The following SLC12A7 variants were observed in gnomAD, a reference collection of about 807,000 sequenced individuals.
SLC12A7 encodes the protein solute carrier family 12 member 7, also known as K-Cl cotransporter 4.
SLC12A7 carries 100 observed loss-of-function variants against 120.6 expected under a neutral mutation model. The ratio of observed to expected loss-of-function variants is 0.83; its 90% CI spans 0.71 to 0.98. The LOEUF (loss-of-function observed/expected upper bound fraction) is 0.98, where lower values mean the gene tolerates loss of function less well. SLC12A7 is among the 50% of genes least tolerant of loss of function. The probability of loss-of-function intolerance (pLI) is 0.00; values close to 1 mark genes in which losing one functional copy is unlikely to be tolerated. For missense variants in SLC12A7, 1,373 were observed against 1,548.1 expected (o/e 0.89, Z 1.90); for synonymous variants, 760 against 678.0 (o/e 1.12, Z -1.88).
chr5:1,116,149 G>A (rs1743312112), upstream of SLC12A7, among the ~76,000 whole-genome samples: 1 of 152,134 alleles, frequency 6.6e-6, no homozygotes, highest in Non-Finnish European at 1.5e-5. Flanking sequence ...GGTAGGCAGG[G>A]ATGACAGAAG....
chr5:1,093,743 G>A lies in SLC12A7; in HGVS notation c.220-88C>T, dbSNP rs553820527. 27 of 1,562,652 alleles carry A rather than the reference G, an allele frequency of 1.7e-5. No homozygotes were observed. In the East Asian group the frequency reaches 4.4e-4, roughly 25 times the overall value. ...CCCCGTGTTCAGGGTGTGGAGCTCA[G>A]GCCCTCCCCGGGTCCTCAGCCCCTG... is the stretch of plus-strand genomic sequence containing the variant. On this transcript the variant is annotated intron_variant, in intron 2 of 23. Coordinates refer to ENST00000264930, the MANE Select transcript of SLC12A7 (RefSeq NM_006598.3).
the SLC12A7 span, among the ~76,000 whole-genome samples, chr5:1,128,791 G>T: frequency 6.6e-6 from 1 of 152,220 alleles, no homozygotes; most frequent in Non-Finnish European, 1.5e-5. Flanking sequence ...GTGCCTGCCT[G>T]GTCTCTACAC....
At chr5:1,147,516 C>T in the SLC12A7 span, among the ~76,000 whole-genome samples, 4 of 152,084 alleles carry the variant, frequency 2.6e-5, no homozygotes, top group East Asian at 1.9e-4. Flanking sequence ...GAGGCTTCTA[C>T]GTCACCAGCA....
In SLC12A7 at chr5:1,052,050, C is replaced by T. The variant is rs1561019814; in HGVS notation, c.*310G>A. On this transcript the variant is annotated 3_prime_UTR_variant, in exon 24 of 24. Transcript: ENST00000264930. ...GGAAAAGAACTTCCAGAAACCAAGG[C>T]AAGGGCTCACTGGCTTCTTGTGACC... 2.5e-6 allele frequency: 1 copy of T among 406,960 alleles called. No individual in the cohort carries two copies. The highest frequency in any genetic ancestry group is 2.0e-5 in the African/African-American group (1 of 49,194). 25.2% of individuals were successfully genotyped at this position (406,960 alleles called of 1,614,324 possible).
the SLC12A7 span, among the ~76,000 whole-genome samples, chr5:1,146,777 T>C: frequency 1.3e-5 from 2 of 152,190 alleles, no homozygotes. This position sits in a 1 kb window ranked among gnomAD's most constrained non-coding sequence, Gnocchi z 6.5. Context: ...AGACAATCCT[T>C]TCTATTGATA....
At chr5:1,068,896 C>A (rs1311326278) in intron 17 of SLC12A7, among the ~76,000 whole-genome samples, 1 of 152,278 alleles carries the variant, frequency 6.6e-6, no homozygotes, top group African/African-American at 2.4e-5. Flanking sequence ...CCCTCACACA[C>A]CTCCAGGGAG....
chr5:1,151,706 C>T, the SLC12A7 span, among the ~76,000 whole-genome samples: 3 of 122,756 alleles, frequency 2.4e-5, no homozygotes, highest in Non-Finnish European at 3.5e-5. This position sits in a 1 kb window ranked among gnomAD's most constrained non-coding sequence, Gnocchi z 6.2. Flanking sequence ...GCCCGGGAGG[C>T]GGGGGGCAGG....
the SLC12A7 span, among the ~76,000 whole-genome samples, chr5:1,130,450 G>T: frequency 7.9e-6 from 1 of 126,790 alleles, no homozygotes; most frequent in African/African-American, 2.8e-5. Context: ...TGAAAGCCCC[G>T]CCCCCACCCC....
chr5:1,069,236 G>T (rs1737379301), intron 17 of SLC12A7, among the ~76,000 whole-genome samples: 1 of 152,214 alleles, frequency 6.6e-6, no homozygotes, highest in African/African-American at 2.4e-5. Context: ...AGCGGCGGGG[G>T]CCATTTTTTA....
chr5:1,120,938 C>T, the SLC12A7 span, among the ~76,000 whole-genome samples: 23 of 152,192 alleles, frequency 1.5e-4, no homozygotes, highest in South Asian at 4.1e-4. Context: ...TGCCCGAGCT[C>T]GGAGCTCACC....
chr5:1,083,926 T>C lies in SLC12A7; in HGVS notation c.948A>G (p.Ser316=), dbSNP rs763203425. ...PVCLLGNRTL[S]RRSFDACVKA... ...TGACGCAGGCATCGAAGCTGCGCCG[T>C]GACAGCGTGCGGTTCCCCAGGAGGC... Residue 316 remains serine (S), a synonymous_variant, in exon 8 of 24, where the codon TCA becomes TCG. Coordinates refer to ENST00000264930, the MANE Select transcript of SLC12A7 (RefSeq NM_006598.3). 7.5e-6 allele frequency: 12 copies of C among 1,605,210 alleles called. No individual in the cohort carries two copies. In the East Asian group the frequency reaches 1.8e-4, roughly 24 times the overall value.
rs372645005 is a variant in SLC12A7, at chr5:1,089,068, C to A, written c.403G>T (p.Val135Phe). 1 of 1,613,026 alleles carries A rather than the reference C, an allele frequency of 6.2e-7. No individual in the cohort carries two copies. The highest frequency in any genetic ancestry group is 8.5e-7 in the Non-Finnish European group (1 of 1,179,982). Residue 135 changes from valine (V) to phenylalanine (F), a missense_variant, in exon 4 of 24, where the codon GTC (valine) becomes TTC (phenylalanine). Val to Phe is a conservative substitution (Grantham distance 50). Coordinates refer to ENST00000264930, the MANE Select transcript of SLC12A7 (RefSeq NM_006598.3). ...YLPCLQNILG[V>F]ILFLRLTWIV... ...CACGTCAGGCGCAGGAAGAGGATGACGCCCAGGATGTTCTGCAGGCACGGC... is the reference window on the plus strand; with the variant it reads ...CACGTCAGGCGCAGGAAGAGGATGAAGCCCAGGATGTTCTGCAGGCACGGC...
chr5:1,142,719 G>A, the SLC12A7 span, among the ~76,000 whole-genome samples: 3 of 148,190 alleles, frequency 2.0e-5, no homozygotes, highest in Admixed American at 6.7e-5. Flanking sequence ...CTGAGCCACT[G>A]CCCAGAACTC....
At chr5:1,112,593 T>C, upstream of SLC12A7, among the ~76,000 whole-genome samples, 1 of 4,214 alleles carries the variant, frequency 2.4e-4, no homozygotes, top group African/African-American at 1.4e-3. Context: ...CCGCACCCCC[T>C]CCTGTTTGCC....
At chr5:1,089,206 C>A (rs1181015250) in intron 3 of SLC12A7, 78 bp from the exon 4 acceptor site, 10 of 1,526,526 alleles carry the variant, frequency 6.6e-6, no homozygotes, top group Non-Finnish European at 8.8e-6. Flanking sequence ...TGCACTCAGG[C>A]CCTGGGCAGG....
chr5:1,056,553 G>A (rs1735631741), intron 22 of SLC12A7: 1 of 983,860 alleles, frequency 1.0e-6, no homozygotes, highest in African/African-American at 1.7e-5. Context: ...GGGCCCGGAA[G>A]GCGACCTGGT....
At chr5:1,123,898 C>T in the SLC12A7 span, among the ~76,000 whole-genome samples, 1 of 152,238 alleles carries the variant, frequency 6.6e-6, no homozygotes, top group South Asian at 2.1e-4. Flanking sequence ...AGATAACTCT[C>T]TTGGTCTAAT....
the SLC12A7 span, among the ~76,000 whole-genome samples, chr5:1,121,914 G>A: frequency 6.6e-6 from 1 of 152,294 alleles, no homozygotes; most frequent in East Asian, 1.9e-4. Context: ...ATGAGAGGGG[G>A]CCCCTTCATC....
At position 1,111,921 on chromosome 5, in the gene SLC12A7, C is replaced by T. The variant is rs576738350; in HGVS notation, c.71G>A (p.Arg24Gln). 6.5e-5 allele frequency: 82 copies of T among 1,271,140 alleles called. 2 individuals carry two copies. In the South Asian group the frequency reaches 2.0e-3, roughly 31 times the overall value. The allele number at this position is 1,271,140 out of a possible 1,614,324, so 78.7% of individuals were successfully genotyped here. ...CTCGGGGGTGCCCGGAGCCTCCGTC[C>T]GCTCGGCAGTCTCGTCCCCGCCGCC... is the stretch of plus-strand genomic sequence containing the variant. ...ADGGGDETAERTEAPGTPEGP... is the reference protein window; with the variant it reads ...ADGGGDETAEQTEAPGTPEGP... The change falls in exon 1 of 24, where the codon CGG becomes CAG. Residue 24 changes from arginine (R) to glutamine (Q), a missense_variant. Transcript: ENST00000264930.
Sources: allele counts gnomAD v4.1 joint callset (sites outside exome capture counted in the v4.1 genomes callset), GRCh38; gene constraint gnomAD v4.1.1; non-coding constraint Gnocchi (gnomAD v3.1); transcripts MANE v1.5; gene names NCBI Gene and HGNC (gene_info 2026-07-23, HGNC 2026-07-21).